The following UBA2 variants were observed in gnomAD, a reference collection of about 807,000 sequenced individuals.
UBA2 encodes the protein SUMO-activating enzyme subunit 2.
Under a neutral mutation model 77.2 loss-of-function variants are expected in UBA2, and 11 were observed. That is an observed-to-expected ratio of 0.14 (90% CI 0.09 to 0.24). The LOEUF (loss-of-function observed/expected upper bound fraction) is 0.24, where lower values mean the gene tolerates loss of function less well. Among genes scored for constraint, UBA2 ranks in the 10% least tolerant of loss-of-function variants. The probability of loss-of-function intolerance (pLI) is 1.00; values close to 1 mark genes in which losing one functional copy is unlikely to be tolerated. For missense variants in UBA2, 487 were observed against 781.7 expected (o/e 0.62, Z 4.50); for synonymous variants, 278 against 276.7 (o/e 1.00, Z -0.05).
rs1481192372 is a variant in UBA2, at chr19:34,457,138, G to C, written c.1246-1631G>C. ...GAGATTGGAAGTTCGAGACTAGCCT[G>C]ACTAACGTGGAGAAACCTGGTCTCT... On this transcript the variant is annotated intron_variant, in intron 12 of 16. Coordinates refer to ENST00000246548, the MANE Select transcript of UBA2 (RefSeq NM_005499.3). 4.8e-5 allele frequency among the ~76,000 whole-genome samples: 6 copies of C among 124,122 alleles called. No individual in the cohort carries two copies. In the Admixed American group the frequency reaches 5.6e-4, roughly 12 times the overall value. 81.4% of individuals were successfully genotyped at this position (124,122 alleles called of 152,430 possible). A position where few individuals can be genotyped will look rare whatever the true frequency, so the allele number is the denominator to read the frequency against.
Position 34,469,951 on chromosome 19 carries a change from C to A in UBA2, c.*730C>A, listed in dbSNP as rs955267073. Reference sequence around the variant, plus strand: ...ATATCTACTGCAGGAATGTCAAATTCTTTTCATTAAAAAAAGAACTCGGTC... The same window carrying A: ...ATATCTACTGCAGGAATGTCAAATTATTTTCATTAAAAAAAGAACTCGGTC... On this transcript the variant is annotated 3_prime_UTR_variant, in exon 17 of 17. Coordinates refer to ENST00000246548, the MANE Select transcript of UBA2 (RefSeq NM_005499.3). The A allele has an allele frequency of 6.6e-6, 1 of 152,470 alleles. No individual in the cohort carries two copies. The highest frequency in any genetic ancestry group is 2.4e-5 in the African/African-American group (1 of 41,396). 9.4% of individuals were successfully genotyped at this position (152,470 alleles called of 1,614,324 possible).
At chr19:34,463,989 A>T (rs1568385506) in intron 14 of UBA2, 37 bp from the exon 15 acceptor site, 1 of 1,397,292 alleles carries the variant, frequency 7.2e-7, no homozygotes, top group African/African-American at 1.4e-5. Flanking sequence ...CTCTATGAAG[A>T]TGTAACTGAA....
At chr19:34,435,554 G>A (rs371847510) in intron 5 of UBA2, among the ~76,000 whole-genome samples, 11 of 152,030 alleles carry the variant, frequency 7.2e-5, no homozygotes, top group African/African-American at 2.4e-4. Flanking sequence ...TGTCGGCTGC[G>A]TGCAGTGGCT....
intron 8 of UBA2, among the ~76,000 whole-genome samples, chr19:34,445,335 A>T (rs933755817): frequency 7.9e-5 from 12 of 152,256 alleles, no homozygotes; most frequent in African/African-American, 2.9e-4. Context: ...ACATCTAAAT[A>T]GGAGGTAAAA....
At chr19:34,467,079 T>G (rs557066090) in intron 16 of UBA2, 65 bp downstream of exon 16, 1 of 1,569,508 alleles carries the variant, frequency 6.4e-7, no homozygotes, top group Admixed American at 1.7e-5. Flanking sequence ...ACAAACTGAT[T>G]ATTAGGAACA....
chr19:34,469,264 T>A lies in UBA2; in HGVS notation c.*43T>A. The A allele has an allele frequency of 6.7e-7, 1 of 1,488,362 alleles. No homozygotes were observed. Among genetic ancestry groups the A allele is most frequent in the Admixed American group, 2.4e-5 (1 of 41,650 alleles). 92.2% of individuals were successfully genotyped at this position (1,488,362 alleles called of 1,614,324 possible). On this transcript the variant is annotated 3_prime_UTR_variant, in exon 17 of 17. Transcript: ENST00000246548. The stretch of plus-strand genomic sequence containing the variant: ...CAGAACCCTCTTACTATTTAGTTTA[T>A]CTGGGCAGAACCAGATTGTTATGTC...
In UBA2 at chr19:34,469,687, T is replaced by C. The variant is rs1427541312; in HGVS notation, c.*466T>C. ...CGAGTGCTATGCATTGAAACTTGTT[T>C]TTAAATGTTAGATGGCACTATGTAT... On this transcript the variant is annotated 3_prime_UTR_variant, in exon 17 of 17. Coordinates refer to ENST00000246548, the MANE Select transcript of UBA2 (RefSeq NM_005499.3). The C allele has an allele frequency of 6.5e-6, 1 of 152,696 alleles. No homozygotes were observed. 9.5% of individuals were successfully genotyped at this position (152,696 alleles called of 1,614,324 possible).
intron 1 of UBA2, chr19:34,429,289 C>T (rs191735148): frequency 1.0e-6 from 1 of 972,962 alleles, no homozygotes; most frequent in East Asian, 1.1e-4. Flanking sequence ...CGTTGACAAG[C>T]CAGTGCTATT....
At chr19:34,443,511 G>A (rs746063947) in intron 6 of UBA2, among the ~76,000 whole-genome samples, 2 of 145,564 alleles carry the variant, frequency 1.4e-5, no homozygotes, top group Non-Finnish European at 3.0e-5. Context: ...GTGCAGTCTC[G>A]GCTCACTGCA....
chr19:34,467,063 G>A, intron 16 of UBA2, 49 bp downstream of exon 16: 1 of 1,593,198 alleles, frequency 6.3e-7, no homozygotes, highest in South Asian at 1.1e-5. Flanking sequence ...CAAAGCAGAA[G>A]TAAAAACAAA....
In UBA2 at chr19:34,432,022, T is replaced by A. The variant is rs576660302; in HGVS notation, c.293+91T>A. The A allele has an allele frequency of 5.4e-5, 55 of 1,012,822 alleles. No homozygotes were observed. In the East Asian group the frequency reaches 1.3e-3, roughly 23 times the overall value. The allele number at this position is 1,012,822 out of a possible 1,614,324, so 62.7% of individuals were successfully genotyped here. ...AGTCATTCAGCTTTTTTAAAAAAAA[T>A]GATTTTTCTAGAATTATTAAACAGT... On this transcript the variant is annotated intron_variant, in intron 3 of 16. Coordinates refer to ENST00000246548, the MANE Select transcript of UBA2 (RefSeq NM_005499.3).
chr19:34,441,600 A>G (rs1195933270), intron 6 of UBA2, among the ~76,000 whole-genome samples: 1 of 152,222 alleles, frequency 6.6e-6, no homozygotes, highest in Non-Finnish European at 1.5e-5. Context: ...AAAAGTATAC[A>G]TAACAGTGTC....
At chr19:34,458,288 G>A (rs539561745) in intron 12 of UBA2, among the ~76,000 whole-genome samples, 69 of 152,272 alleles carry the variant, frequency 4.5e-4, no homozygotes, top group African/African-American at 1.6e-3. Context: ...GGGCGCGGTG[G>A]CTCACGCCTG....
intron 15 of UBA2, among the ~76,000 whole-genome samples, chr19:34,466,111 G>A (rs1472519152): frequency 2.0e-5 from 3 of 152,014 alleles, no homozygotes; most frequent in Non-Finnish European, 4.4e-5. Context: ...TGAGGCGGGC[G>A]GATCACAGGC....
rs766043321 is a variant in UBA2 at position 34,457,179 on chromosome 19, AATATATATATAT to A, written c.1246-1566_1246-1555del. On this transcript the variant is annotated intron_variant, in intron 12 of 16. Coordinates refer to ENST00000246548, the MANE Select transcript of UBA2 (RefSeq NM_005499.3). Reference sequence around the variant, plus strand: ...CCTGGTCTCTACTAAAAAAAAAAAAAATATATATATATATATATATATATATATATATATAAA... The same window carrying A: ...CCTGGTCTCTACTAAAAAAAAAAAAAATATATATATATATATATATATAAA... Among the ~76,000 whole-genome samples the A allele has an allele frequency of 1.1e-4, 6 of 53,222 alleles. 1 individual carries two copies. Among genetic ancestry groups the A allele is most frequent in the African/African-American group, 7.0e-4 (6 of 8,514 alleles). 34.9% of individuals were successfully genotyped at this position (53,222 alleles called of 152,430 possible). A position where few individuals can be genotyped will look rare whatever the true frequency, so the allele number is the denominator to read the frequency against.
At chr19:34,435,832 A>T (rs1024120373) in intron 5 of UBA2, among the ~76,000 whole-genome samples, 4 of 150,624 alleles carry the variant, frequency 2.7e-5, no homozygotes, top group African/African-American at 9.8e-5. Context: ...ATCTCAAAAA[A>T]AAAAAGCCAG....
At chr19:34,442,993 A>G (rs1201085872) in intron 6 of UBA2, among the ~76,000 whole-genome samples, 3 of 152,220 alleles carry the variant, frequency 2.0e-5, no homozygotes, top group African/African-American at 7.2e-5. Context: ...TTTTATATCC[A>G]TGAGTTATTA....
chr19:34,441,226 C>T (rs1257981054), intron 6 of UBA2, among the ~76,000 whole-genome samples: 4 of 152,010 alleles, frequency 2.6e-5, no homozygotes, highest in African/African-American at 7.2e-5. Context: ...GAGGCTGAGG[C>T]GAGCGGATCA....
intron 6 of UBA2, among the ~76,000 whole-genome samples, chr19:34,443,433 G>A (rs1174794965): frequency 7.0e-6 from 1 of 143,060 alleles, no homozygotes; most frequent in African/African-American, 2.5e-5. Context: ...TCATTTATCC[G>A]TTATTCACTT....
Sources: gnomAD v4.1 joint callset for allele counts (sites outside exome capture counted in the v4.1 genomes callset) on GRCh38, gnomAD v4.1.1 for gene constraint, MANE v1.5 for transcripts, NCBI Gene and HGNC (gene_info 2026-07-23, HGNC 2026-07-21) for gene names.